BUD31: variants seen among roughly 807,000 people sequenced by gnomAD.
The protein encoded by BUD31 is protein BUD31 homolog.
In BUD31, 9 loss-of-function variants were observed where a neutral mutation model predicts 17.9. The ratio of observed to expected loss-of-function variants is 0.50; its 90% confidence interval spans 0.30 to 0.88. The LOEUF is 0.88. Among genes scored for constraint, BUD31 ranks in the 40% least tolerant of loss-of-function variants. BUD31 has a pLI of 0.06. For missense variants in BUD31, 148 were observed against 184.5 expected (o/e 0.80, Z 1.15); for synonymous variants, 70 against 64.7 (o/e 1.08, Z -0.39).
At chr7:99,409,869 C>T (rs1795108538) in intron 1 of BUD31, among the ~76,000 whole-genome samples, 165 bp from the exon 2 acceptor site, 5 of 152,012 alleles carry the variant, frequency 3.3e-5, no homozygotes, top group Admixed American at 3.3e-4. Flanking sequence ...AATACTTAAC[C>T]TGGGTTCTCT....
In BUD31 at chr7:99,413,985, T is replaced by G. The variant is rs574576080; in HGVS notation, c.95-2153T>G. 3.3e-5 allele frequency among the ~76,000 whole-genome samples: 5 copies of G among 152,348 alleles called. No homozygotes were observed. In the East Asian group the frequency reaches 9.6e-4, roughly 29 times the overall value. The stretch of plus-strand genomic sequence containing the variant: ...TAAAAAGACTTTTTTTCTTGTCACA[T>G]GGGTAATGTGCCAACGTTGTGACAA... On this transcript the variant is annotated intron_variant, in intron 3 of 5. Coordinates refer to ENST00000222969, the MANE Select transcript of BUD31 (RefSeq NM_003910.4).
At chr7:99,417,090 G>T in intron 4 of BUD31, 3 of 207,008 alleles carry the variant, frequency 1.4e-5, no homozygotes, top group South Asian at 6.4e-5. Flanking sequence ...ATGGAGTTTC[G>T]CTGTCACCCA....
chr7:99,414,150 T>TA (rs1220949734), intron 3 of BUD31, among the ~76,000 whole-genome samples: 1 of 151,976 alleles, frequency 6.6e-6, no homozygotes, highest in Non-Finnish European at 1.5e-5. Flanking sequence ...TTTTTTATTT[T>TA]TTTTTTTGAG....
intron 4 of BUD31, 200 bp from the exon 5 acceptor site, chr7:99,417,229 T>C: frequency 4.0e-6 from 2 of 504,040 alleles, no homozygotes; most frequent in South Asian, 4.1e-5. Context: ...ATTTTTGTAT[T>C]TTTAGTAGAG....
At chr7:99,409,362 C>T (rs1222339958) in intron 1 of BUD31, 117 bp downstream of exon 1, 2 of 152,594 alleles carry the variant, frequency 1.3e-5, no homozygotes, top group East Asian at 1.9e-4. Flanking sequence ...CGCCTCCTTC[C>T]CCTAGCGCCC....
At chr7:99,417,348 C>T (rs1486836649) in intron 4 of BUD31, 81 bp from the exon 5 acceptor site, 16 of 1,463,548 alleles carry the variant, frequency 1.1e-5, no homozygotes, top group Middle Eastern at 1.9e-4. Context: ...CCACTGCACC[C>T]GGCCTGAATG....
intron 2 of BUD31, among the ~76,000 whole-genome samples, chr7:99,410,763 A>G (rs1271005754): frequency 6.6e-6 from 1 of 152,230 alleles, no homozygotes; most frequent in Non-Finnish European, 1.5e-5. Context: ...TTAGGCACAC[A>G]TTATACACCA....
intron 3 of BUD31, chr7:99,411,725 G>A (rs536229401): frequency 2.2e-6 from 1 of 455,790 alleles, no homozygotes; most frequent in East Asian, 7.0e-5. Flanking sequence ...TATTTTTTGA[G>A]TTGGAGTCTT....
intron 1 of BUD31, among the ~76,000 whole-genome samples, chr7:99,409,564 C>T (rs182752425): frequency 2.0e-5 from 3 of 152,140 alleles, no homozygotes; most frequent in Non-Finnish European, 2.9e-5. Flanking sequence ...ACAGACTATG[C>T]GCCTTGGGGC....
chr7:99,418,259 G>A (rs1985453), intron 5 of BUD31: 11,485 of 164,222 alleles, frequency 0.07, 826 homozygotes, highest in East Asian at 0.32. Context: ...GAGCTACTGC[G>A]CCCAGCCCAC....
chr7:99,413,101 C>G (rs1795255200), intron 3 of BUD31, among the ~76,000 whole-genome samples: 1 of 152,064 alleles, frequency 6.6e-6, no homozygotes, highest in Admixed American at 6.6e-5. Context: ...CACGTCTTAA[C>G]ATGTGTACCT....
At chr7:99,419,200 T>C in intron 5 of BUD31, 191 bp from the exon 6 acceptor site, 1 of 605,386 alleles carries the variant, frequency 1.7e-6, no homozygotes, top group South Asian at 1.9e-5. Context: ...AACCTCGGTG[T>C]CAACAGCAGC....
chr7:99,415,322 C>G (rs573307829), intron 3 of BUD31: 37 of 451,478 alleles, frequency 8.2e-5, no homozygotes, highest in Non-Finnish European at 1.3e-4. Flanking sequence ...CTGCCTGGCA[C>G]CAAGGCAGAG....
At chr7:99,414,826 G>C (rs1427443912) in intron 3 of BUD31, among the ~76,000 whole-genome samples, 1 of 152,158 alleles carries the variant, frequency 6.6e-6, no homozygotes, top group Non-Finnish European at 1.5e-5. Context: ...TCAGACTCCT[G>C]ACCTCAAGTG....
Position 99,411,024 on chromosome 7 carries a change from G to T in BUD31, c.-29-40G>T, listed in dbSNP as rs576603843. On this transcript the variant is annotated intron_variant, in intron 2 of 5. Transcript: ENST00000222969. ...AATAATGGCTGGCAAAGGCCTTTGG[G>T]GATTTGAGACTCAGAAACCAATTCA... 69 of 1,375,642 alleles carry T rather than the reference G, an allele frequency of 5.0e-5. No individual in the cohort carries two copies. In the East Asian group the frequency reaches 1.6e-3, roughly 32 times the overall value. 85.2% of individuals were successfully genotyped at this position (1,375,642 alleles called of 1,614,324 possible). A position where few individuals can be genotyped will look rare whatever the true frequency, so the allele number is the denominator to read the frequency against.
At chr7:99,417,948 T>C in intron 5 of BUD31, 2 of 1,227,406 alleles carry the variant, frequency 1.6e-6, no homozygotes, top group Non-Finnish European at 1.0e-6. Context: ...CTCACAGTGA[T>C]ACTTTAACAT....
At position 99,419,207 on chromosome 7, in the gene BUD31, C is replaced by G. The variant is rs530790749; in HGVS notation, c.385-184C>G. 2.6e-4 allele frequency: 157 copies of G among 612,734 alleles called. 2 individuals are homozygous for G. Among genetic ancestry groups the G allele is most frequent in the South Asian group, 1.8e-3 (93 of 52,268 alleles). 38.0% of individuals were successfully genotyped at this position (612,734 alleles called of 1,614,324 possible). A position where few individuals can be genotyped will look rare whatever the true frequency, so the allele number is the denominator to read the frequency against. On this transcript the variant is annotated intron_variant, in intron 5 of 5. Transcript: ENST00000222969. ...ACAGATGTAACCTCGGTGTCAACAG[C>G]AGCTGGTTCTACCTTCATGAGGGAG... is the stretch of plus-strand genomic sequence containing the variant.
At chr7:99,411,755 A>G in intron 3 of BUD31, 2 of 454,652 alleles carry the variant, frequency 4.4e-6, no homozygotes, top group Non-Finnish European at 8.8e-6. Flanking sequence ...TCCAGGCTGC[A>G]GTGCAGTGGC....
intron 4 of BUD31, chr7:99,417,065 CT>C (rs1003967626): frequency 0.026 from 5,369 of 204,650 alleles, no homozygotes; most frequent in South Asian, 0.061. Context: ...TACTGAATGC[CT>C]TTTTTTTTTT....
Sources: allele counts gnomAD v4.1 joint callset (sites outside exome capture counted in the v4.1 genomes callset), GRCh38; gene constraint gnomAD v4.1.1; transcripts MANE v1.5; gene names NCBI Gene and HGNC (gene_info 2026-07-23, HGNC 2026-07-21).